The following KLF12 variants were observed in gnomAD, a reference collection of about 807,000 sequenced individuals.
KLF12 encodes the protein Krueppel-like factor 12.
In KLF12, 9 loss-of-function variants were observed where a neutral mutation model predicts 37.8. That is an observed-to-expected ratio of 0.24 (90% CI 0.14 to 0.42). KLF12 has a LOEUF of 0.42. Among genes scored for constraint, KLF12 ranks in the 10% least tolerant of loss-of-function variants. The pLI is 1.00. For synonymous variants in KLF12, 208 were observed against 202.1 expected (o/e 1.03, Z -0.25); for missense variants, 411 against 516.0 (o/e 0.80, Z 1.97).
At chr13:74,056,330 A>C (rs17071114) in intron 1 of KLF12, among the ~76,000 whole-genome samples, 4,560 of 152,278 alleles carry the variant, frequency 0.03, 213 homozygotes, top group African/African-American at 0.1. Flanking sequence ...ACTTCTTTCT[A>C]AAGCATCTGT....
At chr13:74,118,859 A>C (rs1221702851) in intron 1 of KLF12, among the ~76,000 whole-genome samples, 1 of 152,182 alleles carries the variant, frequency 6.6e-6, no homozygotes, top group Non-Finnish European at 1.5e-5. Flanking sequence ...AAGAGAAAAA[A>C]TAATGAAAGA....
chr13:74,001,748 T>C (rs1224918909), intron 1 of KLF12, among the ~76,000 whole-genome samples: 1 of 152,274 alleles, frequency 6.6e-6, no homozygotes, highest in African/African-American at 2.4e-5. Flanking sequence ...TTAATTCATG[T>C]GAAATAAAAC....
intron 3 of KLF12, among the ~76,000 whole-genome samples, chr13:73,902,734 A>G (rs1418435294): frequency 6.6e-6 from 1 of 152,218 alleles, no homozygotes; most frequent in Non-Finnish European, 1.5e-5. Flanking sequence ...GATAATCCCT[A>G]ATTGTATAAG....
chr13:73,874,691 C>T (rs1035676527), intron 3 of KLF12, among the ~76,000 whole-genome samples: 5 of 152,140 alleles, frequency 3.3e-5, no homozygotes, highest in African/African-American at 4.8e-5. Context: ...GATGGCTTAC[C>T]TTGAGTGAAA....
At chr13:74,040,006 G>C (rs1277167681) in intron 1 of KLF12, among the ~76,000 whole-genome samples, 1 of 152,234 alleles carries the variant, frequency 6.6e-6, no homozygotes, top group Non-Finnish European at 1.5e-5. Context: ...AGACAATCTA[G>C]ATGAAAGTAT....
chr13:74,070,329 C>T (rs1874158328), intron 1 of KLF12, among the ~76,000 whole-genome samples: 1 of 152,130 alleles, frequency 6.6e-6, no homozygotes, highest in Non-Finnish European at 1.5e-5. Flanking sequence ...CGACCACTAG[C>T]CAAGACAGAG....
intron 6 of KLF12, among the ~76,000 whole-genome samples, chr13:73,749,618 A>G (rs1878610010): frequency 6.6e-6 from 1 of 152,252 alleles, no homozygotes; most frequent in South Asian, 2.1e-4. Context: ...ACTGCTAGGC[A>G]GAGCAAGCAA....
chr13:73,910,031 T>C (rs896291587), intron 3 of KLF12, among the ~76,000 whole-genome samples: 3 of 152,156 alleles, frequency 2.0e-5, no homozygotes, highest in African/African-American at 7.2e-5. Context: ...ATTAGCCTCA[T>C]TGATAAATTG....
chr13:74,252,560 A>C, the KLF12 span, among the ~76,000 whole-genome samples: 2 of 152,220 alleles, frequency 1.3e-5, no homozygotes, highest in Non-Finnish European at 2.9e-5. Flanking sequence ...GGGGTTGGCC[A>C]CTAAAGATAA....
intron 1 of KLF12, among the ~76,000 whole-genome samples, chr13:74,036,489 C>CAA (rs1214544196): frequency 6.6e-6 from 1 of 152,220 alleles, no homozygotes; most frequent in Non-Finnish European, 1.5e-5. Flanking sequence ...AGTGCACGCA[C>CAA]AAACACATGA....
chr13:74,127,281 A>C (rs567975715), intron 1 of KLF12, among the ~76,000 whole-genome samples: 1 of 152,306 alleles, frequency 6.6e-6, no homozygotes, highest in East Asian at 1.9e-4. Flanking sequence ...GACATAAAAA[A>C]TTTTTTCAGG....
At chr13:74,090,486 T>A (rs1875584729) in intron 1 of KLF12, among the ~76,000 whole-genome samples, 1 of 152,144 alleles carries the variant, frequency 6.6e-6, no homozygotes. Context: ...CCTACCAGAA[T>A]CATAACTGAC....
At chr13:74,108,819 A>G (rs1876816177) in intron 1 of KLF12, among the ~76,000 whole-genome samples, 1 of 152,192 alleles carries the variant, frequency 6.6e-6, no homozygotes, top group African/African-American at 2.4e-5. Flanking sequence ...TAGGCTAAGG[A>G]GGAGGGGGAG....
At chr13:73,760,697 C>T (rs376016022) in intron 6 of KLF12, among the ~76,000 whole-genome samples, 1 of 152,186 alleles carries the variant, frequency 6.6e-6, no homozygotes, top group African/African-American at 2.4e-5. Flanking sequence ...TTATGTGACT[C>T]CCACTACCAC....
chr13:74,072,605 C>A (rs1874336779), intron 1 of KLF12, among the ~76,000 whole-genome samples: 1 of 151,720 alleles, frequency 6.6e-6, no homozygotes, highest in African/African-American at 2.4e-5. Context: ...TGTGGTGGCA[C>A]ATGCCTATGG....
intron 3 of KLF12, among the ~76,000 whole-genome samples, chr13:73,938,273 T>C (rs143329186): frequency 6.6e-6 from 1 of 152,250 alleles, no homozygotes; most frequent in Non-Finnish European, 1.5e-5. Context: ...ATTAAATAGG[T>C]TTACTGAGGA....
chr13:74,197,938 A>T, the KLF12 span, among the ~76,000 whole-genome samples: 28 of 152,134 alleles, frequency 1.8e-4, no homozygotes, highest in African/African-American at 6.3e-4. Flanking sequence ...CTTAAAAAAA[A>T]TTTTCTAGCA....
the KLF12 span, among the ~76,000 whole-genome samples, chr13:74,158,157 G>C: frequency 1.3e-5 from 2 of 152,324 alleles, no homozygotes; most frequent in African/African-American, 4.8e-5. Flanking sequence ...AGGGCTTCAG[G>C]GGAAGGCCCT....
chr13:73,997,991 C>A (rs1892166972), intron 1 of KLF12, among the ~76,000 whole-genome samples: 1 of 152,160 alleles, frequency 6.6e-6, no homozygotes, highest in Non-Finnish European at 1.5e-5. Flanking sequence ...ACACCTGTTT[C>A]TCTTTAGTAG....
Sources: allele counts gnomAD v4.1 joint callset (sites outside exome capture counted in the v4.1 genomes callset), GRCh38; gene constraint gnomAD v4.1.1; transcripts MANE v1.5; gene names NCBI Gene and HGNC (gene_info 2026-07-23, HGNC 2026-07-21).